The following CCSER1 variants were observed in gnomAD, a reference collection of about 807,000 sequenced individuals.
CCSER1 encodes serine-rich coiled-coil domain-containing protein 1.
Under a neutral mutation model 82.0 loss-of-function variants are expected in CCSER1, and 41 were observed. The observed-to-expected ratio is 0.50, with a 90% CI of 0.39 to 0.65. CCSER1 has a LOEUF of 0.65. Among genes scored for constraint, CCSER1 ranks in the 30% least tolerant of loss-of-function variants. The probability of loss-of-function intolerance (pLI) is 0.00; values close to 1 mark genes in which losing one functional copy is unlikely to be tolerated. For missense variants in CCSER1, 1,119 were observed against 1,064.2 expected (o/e 1.05, Z -0.72); for synonymous variants, 414 against 383.9 (o/e 1.08, Z -0.92).
intron 9 of CCSER1, among the ~76,000 whole-genome samples, chr4:91,026,468 A>G (rs1001560174): frequency 2.0e-5 from 3 of 152,096 alleles, no homozygotes; most frequent in Non-Finnish European, 4.4e-5. Flanking sequence ...TGAATTTTCA[A>G]CATTTCATGA....
At chr4:91,225,532 TG>T (rs1467856855) in intron 10 of CCSER1, among the ~76,000 whole-genome samples, 1 of 150,972 alleles carries the variant, frequency 6.6e-6, no homozygotes, top group Admixed American at 6.6e-5. Context: ...AATATATTCC[TG>T]GATGTGAAAA....
intron 10 of CCSER1, among the ~76,000 whole-genome samples, chr4:91,269,964 T>A (rs897434821): frequency 6.6e-6 from 1 of 152,210 alleles, no homozygotes; most frequent in East Asian, 1.9e-4. Flanking sequence ...ATGAATTATA[T>A]GGTAACAAAA....
chr4:90,380,109 C>T (rs1417983348), intron 3 of CCSER1, among the ~76,000 whole-genome samples: 1 of 152,040 alleles, frequency 6.6e-6, no homozygotes, highest in East Asian at 1.9e-4. Flanking sequence ...TTTGGGATTA[C>T]GATTCAACAT....
chr4:90,923,155 A>G (rs1320152942), intron 8 of CCSER1, among the ~76,000 whole-genome samples: 1 of 152,194 alleles, frequency 6.6e-6, no homozygotes, highest in Admixed American at 6.5e-5. Context: ...AGTGACGCCT[A>G]CAGTAGAAGA....
chr4:90,962,494 TAA>T (rs1235433403), intron 9 of CCSER1, among the ~76,000 whole-genome samples: 2 of 152,106 alleles, frequency 1.3e-5, no homozygotes, highest in African/African-American at 2.4e-5. Flanking sequence ...GACAGTAAAA[TAA>T]AAGAGTATTT....
At chr4:90,425,242 AT>A (rs1757363409) in intron 4 of CCSER1, among the ~76,000 whole-genome samples, 1 of 152,092 alleles carries the variant, frequency 6.6e-6, no homozygotes, top group African/African-American at 2.4e-5. Context: ...TTCATTTTAG[AT>A]TTTGGAGTGA....
chr4:91,515,731 T>C (rs1760072380), intron 10 of CCSER1, among the ~76,000 whole-genome samples: 1 of 152,124 alleles, frequency 6.6e-6, no homozygotes, highest in Admixed American at 6.6e-5. Context: ...AATGGGATTG[T>C]TGGGTTGAAG....
At chr4:90,862,237 A>G (rs1428423122) in intron 8 of CCSER1, among the ~76,000 whole-genome samples, 2 of 151,858 alleles carry the variant, frequency 1.3e-5, no homozygotes, top group African/African-American at 4.8e-5. Flanking sequence ...ATATGTTAGC[A>G]ATTAGATTGT....
intron 8 of CCSER1, among the ~76,000 whole-genome samples, chr4:90,906,376 C>T (rs1167247729): frequency 6.6e-6 from 1 of 152,044 alleles, no homozygotes; most frequent in East Asian, 1.9e-4. Flanking sequence ...TCTAGCTGAT[C>T]GTCAACCTGT....
intron 10 of CCSER1, among the ~76,000 whole-genome samples, chr4:91,242,298 G>C (rs191520361): frequency 2.7e-3 from 408 of 152,264 alleles, no homozygotes; most frequent in African/African-American, 9.5e-3. Flanking sequence ...TGGAGAGGTA[G>C]GAAATCCCAT....
At chr4:90,255,955 G>C (rs182984907) in intron 1 of CCSER1, among the ~76,000 whole-genome samples, 30 of 152,280 alleles carry the variant, frequency 2.0e-4, no homozygotes, top group Middle Eastern at 6.8e-3. Context: ...AAGCTAGCTA[G>C]TGATGGAACT....
intron 9 of CCSER1, among the ~76,000 whole-genome samples, chr4:90,990,983 G>C (rs546254152): frequency 6.6e-6 from 1 of 151,990 alleles, no homozygotes; most frequent in East Asian, 1.9e-4. Context: ...ATCGCAAGGA[G>C]CTGATAGAAT....
At chr4:90,167,844 T>G (rs1730802533) in intron 1 of CCSER1, among the ~76,000 whole-genome samples, 1 of 152,240 alleles carries the variant, frequency 6.6e-6, no homozygotes, top group South Asian at 2.1e-4. Flanking sequence ...ATGGTGTATA[T>G]GTGCCACATT....
chr4:90,167,567 G>A (rs543742827), intron 1 of CCSER1, among the ~76,000 whole-genome samples: 44 of 152,222 alleles, frequency 2.9e-4, no homozygotes, highest in Admixed American at 9.8e-4. Flanking sequence ...TTGGTGCGCC[G>A]CACCCAGTAA....
chr4:91,025,576 A>G (rs1274127796), intron 9 of CCSER1, among the ~76,000 whole-genome samples: 1 of 152,056 alleles, frequency 6.6e-6, no homozygotes, highest in East Asian at 1.9e-4. Flanking sequence ...AATCCTGTGG[A>G]TACTACCTGA....
At chr4:91,249,860 T>C (rs1235534875) in intron 10 of CCSER1, among the ~76,000 whole-genome samples, 1 of 152,074 alleles carries the variant, frequency 6.6e-6, no homozygotes, top group Non-Finnish European at 1.5e-5. Flanking sequence ...CAGAGATCAT[T>C]TCCTATTAAT....
rs187005956 is a variant in CCSER1, at chr4:91,494,322, T to C, written c.2218-104250T>C. Among the ~76,000 whole-genome samples the C allele has an allele frequency of 1.6e-4, 25 of 151,972 alleles. No individual in the cohort carries two copies. In the East Asian group the frequency reaches 4.8e-3, roughly 29 times the overall value. On this transcript the variant is annotated intron_variant, in intron 10 of 10. Coordinates refer to ENST00000509176, the MANE Select transcript of CCSER1 (RefSeq NM_001145065.2). ...GAATAGCAAAATCACATTTTATCTA[T>C]ATTTTAAATCATACAATATCTCTCC...
At chr4:90,211,185 A>G (rs1412894344) in intron 1 of CCSER1, among the ~76,000 whole-genome samples, 1 of 152,220 alleles carries the variant, frequency 6.6e-6, no homozygotes, top group Admixed American at 6.5e-5. Flanking sequence ...GGAAGAATAA[A>G]AGCATTTGAA....
chr4:91,161,050 T>C (rs1404995367), intron 10 of CCSER1, among the ~76,000 whole-genome samples: 1 of 152,218 alleles, frequency 6.6e-6, no homozygotes, highest in Non-Finnish European at 1.5e-5. Context: ...AACATTTAAC[T>C]CTTTAATCCA....
Sources: allele counts gnomAD v4.1 joint callset (sites outside exome capture counted in the v4.1 genomes callset), GRCh38; gene constraint gnomAD v4.1.1; transcripts MANE v1.5; gene names NCBI Gene and HGNC (gene_info 2026-07-23, HGNC 2026-07-21).